The following HIVEP1 variants were observed in gnomAD, a reference collection of about 807,000 sequenced individuals.
HIVEP1 encodes zinc finger protein 40.
In HIVEP1, 36 loss-of-function variants were observed where a neutral mutation model predicts 180.0. That is an observed-to-expected ratio of 0.20 (90% CI 0.15 to 0.26). The LOEUF is 0.26. Among genes scored for constraint, HIVEP1 ranks in the 10% least tolerant of loss-of-function variants. The pLI is 1.00. For synonymous variants in HIVEP1, 1,239 were observed against 1,239.0 expected (o/e 1.00, Z 0.00); for missense variants, 3,143 against 3,268.7 (o/e 0.96, Z 0.94).
Position 12,146,232 on chromosome 6 carries a change from C to T in HIVEP1, c.6487+10340C>T, listed in dbSNP as rs1012460089. 2.6e-5 allele frequency among the ~76,000 whole-genome samples: 4 copies of T among 152,228 alleles called. No homozygotes were observed. The South Asian group carries it at 6.2e-4, about 24-fold the overall frequency. On this transcript the variant is annotated intron_variant, in intron 7 of 8. Coordinates refer to ENST00000379388, the MANE Select transcript of HIVEP1 (RefSeq NM_002114.4). ...CCAAAGCAGGCGGATCATCTGAGGTCGGGAGTTCAAGACCAGCCTGACTAA... is the reference window on the plus strand; with the variant it reads ...CCAAAGCAGGCGGATCATCTGAGGTTGGGAGTTCAAGACCAGCCTGACTAA...
intron 6 of HIVEP1, among the ~76,000 whole-genome samples, chr6:12,132,439 G>T (rs1392093238): frequency 2.0e-5 from 3 of 152,090 alleles, no homozygotes; most frequent in African/African-American, 7.2e-5. Flanking sequence ...AGAAGAAAAA[G>T]AATGAGGCTA....
At chr6:12,044,167 C>T (rs1769961895) in intron 2 of HIVEP1, among the ~76,000 whole-genome samples, 1 of 152,076 alleles carries the variant, frequency 6.6e-6, no homozygotes, top group South Asian at 2.1e-4. Context: ...GGTTTCTGGG[C>T]TCCTGAATAA....
At position 12,088,044 on chromosome 6, in the gene HIVEP1, A is replaced by T. The variant is rs144499347; in HGVS notation, c.41-1140A>T. Among the ~76,000 whole-genome samples the T allele has an allele frequency of 2.6e-4, 40 of 152,292 alleles. No homozygotes were observed. In the East Asian group the frequency reaches 7.3e-3, roughly 28 times the overall value. ...AGTTGGATCAATATGCAATTGAAAG[A>T]CGTTTGATCTGTAAATAGAAGGTTC... On this transcript the variant is annotated intron_variant, in intron 2 of 8. Coordinates refer to ENST00000379388, the MANE Select transcript of HIVEP1 (RefSeq NM_002114.4).
At position 12,123,069 on chromosome 6, in the gene HIVEP1, C is replaced by A. The variant is rs762706100; in HGVS notation, c.3274C>A (p.His1092Asn). 5.0e-6 allele frequency: 8 copies of A among 1,614,174 alleles called. No individual in the cohort carries two copies. Among genetic ancestry groups the A allele is most frequent in the African/African-American group, 1.3e-5 (1 of 75,030 alleles). ...QHKNIQLQNS[H>N]IHLVARGPEQ... ...TAAAAATATACAGTTGCAAAACTCC[C>A]ATATTCACCTTGTTGCCAGGGGCCC... Residue 1092 changes from histidine (H) to asparagine (N), a missense_variant, in exon 4 of 9, where the codon CAT becomes AAT. This residue lies in a region of HIVEP1 where 1,357 missense variants were observed against 1,260.5 expected (regional missense o/e 1.08). Coordinates refer to ENST00000379388, the MANE Select transcript of HIVEP1 (RefSeq NM_002114.4).
At chr6:12,157,721 T>C (rs894501080) in intron 7 of HIVEP1, among the ~76,000 whole-genome samples, 3 of 152,112 alleles carry the variant, frequency 2.0e-5, no homozygotes, top group Non-Finnish European at 2.9e-5. Flanking sequence ...TGCTCTTTGT[T>C]TGTTTGTGTA....
chr6:12,133,714 G>A (rs989766829), intron 6 of HIVEP1, among the ~76,000 whole-genome samples: 7 of 152,316 alleles, frequency 4.6e-5, no homozygotes, highest in Non-Finnish European at 1.0e-4. Context: ...CAGGTGCGGT[G>A]GCTCACACCT....
intron 3 of HIVEP1, among the ~76,000 whole-genome samples, chr6:12,114,429 T>C (rs564409848): frequency 9.2e-5 from 14 of 152,340 alleles, no homozygotes; most frequent in Admixed American, 5.9e-4. Flanking sequence ...TCTTTCTGAT[T>C]TCCCCTTGTT....
chr6:12,042,907 G>C (rs977592398), intron 2 of HIVEP1, among the ~76,000 whole-genome samples: 2 of 152,094 alleles, frequency 1.3e-5, no homozygotes, highest in Non-Finnish European at 2.9e-5. Context: ...CTTGCACTTA[G>C]ATCTTTAATC....
chr6:12,075,653 A>T (rs893333505), intron 2 of HIVEP1, among the ~76,000 whole-genome samples: 2 of 152,004 alleles, frequency 1.3e-5, no homozygotes, highest in African/African-American at 4.8e-5. Flanking sequence ...GAATAGTGTA[A>T]TAAGCCTCCA....
intron 7 of HIVEP1, among the ~76,000 whole-genome samples, chr6:12,140,082 C>T (rs886948120): frequency 7.9e-5 from 12 of 152,174 alleles, no homozygotes; most frequent in Admixed American, 2.6e-4. Flanking sequence ...GACACCTCCC[C>T]GTAGGGGCCG....
At chr6:12,183,991 A>AGAT in the HIVEP1 span, among the ~76,000 whole-genome samples, 1,437 of 135,418 alleles carry the variant, frequency 0.011, 33 homozygotes, top group African/African-American at 0.045. Context: ...ATAGATAGAT[A>AGAT]GATAGATAGA....
At position 12,084,402 on chromosome 6, in the gene HIVEP1, C is replaced by T. The variant is rs73724347; in HGVS notation, c.41-4782C>T. 9.0e-3 allele frequency among the ~76,000 whole-genome samples: 1,368 copies of T among 152,104 alleles called. 18 individuals are homozygous for T. The highest frequency in any genetic ancestry group is 0.031 in the African/African-American group (1,304 of 41,500). On this transcript the variant is annotated intron_variant, in intron 2 of 8. Coordinates refer to ENST00000379388, the MANE Select transcript of HIVEP1 (RefSeq NM_002114.4). ...CCAGCGGTATTTGAGATGTGAAACTCGGAGGTTAAAATGGGTTGATTGTAA... is the reference window on the plus strand; with the variant it reads ...CCAGCGGTATTTGAGATGTGAAACTTGGAGGTTAAAATGGGTTGATTGTAA...
chr6:12,038,046 C>T, intron 2 of HIVEP1: 1 of 318,016 alleles, frequency 3.1e-6, no homozygotes, highest in Non-Finnish European at 5.7e-6. Flanking sequence ...TTTTAAACAT[C>T]CTGTGCAGAA....
At chr6:12,020,393 CG>C in intron 2 of HIVEP1, 1 of 471,088 alleles carries the variant, frequency 2.1e-6, no homozygotes, top group Non-Finnish European at 4.4e-6. Context: ...CTGGACTGCA[CG>C]GGGTGGCTCT....
At chr6:12,186,834 T>G in the HIVEP1 span, among the ~76,000 whole-genome samples, 1 of 150,904 alleles carries the variant, frequency 6.6e-6, no homozygotes, top group Admixed American at 6.6e-5. Flanking sequence ...GAAATAGAAA[T>G]TTTCCAAGAG....
At chr6:12,167,452 A>G (rs920919041), downstream of HIVEP1, among the ~76,000 whole-genome samples, 1 of 150,698 alleles carries the variant, frequency 6.6e-6, no homozygotes, top group Non-Finnish European at 1.5e-5. Flanking sequence ...CACCTTAAGA[A>G]TCTTCTCTCA....
rs1328603270 is a variant in HIVEP1, at chr6:12,120,678, A to G, written c.883A>G (p.Asn295Asp). The G allele has an allele frequency of 1.2e-6, 2 of 1,614,194 alleles. No individual in the cohort carries two copies. Among genetic ancestry groups the G allele is most frequent in the African/African-American group, 2.7e-5 (2 of 75,046 alleles). Residue 295 changes from asparagine (N) to aspartate (D), a missense_variant, in exon 4 of 9, where the codon AAC becomes GAC. Around this residue, in one of 12 missense-constraint regions of HIVEP1, gnomAD observed 306 missense variants for 310.6 expected, o/e 0.99. Transcript: ENST00000379388. ...HQHEHFVPKS[N>D]QHNQQLPGCS... is the part of the protein sequence containing the mutation. The stretch of plus-strand genomic sequence containing the variant: ...ACATGAACACTTTGTTCCCAAATCC[A>G]ACCAACATAATCAACAGCTTCCGGG...
At chr6:12,103,695 G>C (rs1774242363) in intron 3 of HIVEP1, among the ~76,000 whole-genome samples, 1 of 151,034 alleles carries the variant, frequency 6.6e-6, no homozygotes, top group Non-Finnish European at 1.5e-5. Flanking sequence ...TATTGTGTAG[G>C]TCTTCAATAG....
At chr6:12,055,695 A>G (rs1770824234) in intron 2 of HIVEP1, among the ~76,000 whole-genome samples, 1 of 152,198 alleles carries the variant, frequency 6.6e-6, no homozygotes, top group Non-Finnish European at 1.5e-5. Flanking sequence ...CTAAGCTAGC[A>G]AATTTCAGGA....
Sources: allele counts gnomAD v4.1 joint callset (sites outside exome capture counted in the v4.1 genomes callset), GRCh38; gene constraint gnomAD v4.1.1; regional missense constraint gnomAD v4.1.1; transcripts MANE v1.5; gene names NCBI Gene and HGNC (gene_info 2026-07-23, HGNC 2026-07-21).